ATP6V0D2: variants seen among roughly 807,000 people sequenced by gnomAD.
ATP6V0D2 encodes the protein ATPase H+ transporting V0 subunit d2.
In ATP6V0D2, 40 loss-of-function variants were observed where a neutral mutation model predicts 40.0. The observed-to-expected ratio is 1.00, with a 90% confidence interval of 0.78 to 1.30. The LOEUF (loss-of-function observed/expected upper bound fraction) is 1.30, where lower values mean the gene tolerates loss of function less well. ATP6V0D2 is among the 50% of genes most tolerant of loss of function. The probability of loss-of-function intolerance (pLI) is 0.00; values close to 1 mark genes in which losing one functional copy is unlikely to be tolerated. For missense variants in ATP6V0D2, 470 were observed against 423.1 expected (o/e 1.11, Z -0.97); for synonymous variants, 179 against 156.3 (o/e 1.15, Z -1.08).
intron 2 of ATP6V0D2, among the ~76,000 whole-genome samples, chr8:86,133,662 C>G (rs1317349844): frequency 3.9e-5 from 6 of 151,978 alleles, no homozygotes; most frequent in Non-Finnish European, 8.8e-5. Context: ...CTACTCTAAC[C>G]AAGTGCCATG....
chr8:86,147,710 G>C (rs1171906061), intron 5 of ATP6V0D2, among the ~76,000 whole-genome samples: 1 of 152,154 alleles, frequency 6.6e-6, no homozygotes, highest in Non-Finnish European at 1.5e-5. Flanking sequence ...GGTTCAAAGG[G>C]AATCATATCC....
At chr8:86,131,006 A>G (rs923652253) in intron 2 of ATP6V0D2, among the ~76,000 whole-genome samples, 1 of 152,126 alleles carries the variant, frequency 6.6e-6, no homozygotes, top group Admixed American at 6.5e-5. Context: ...TATCTTAGAG[A>G]TAAATAACAG....
chr8:86,105,816 G>A (rs527727683), intron 1 of ATP6V0D2, among the ~76,000 whole-genome samples: 37 of 151,664 alleles, frequency 2.4e-4, no homozygotes, highest in Admixed American at 6.6e-4. Flanking sequence ...GGGTTTCACC[G>A]TGTTAGCTTG....
intron 1 of ATP6V0D2, among the ~76,000 whole-genome samples, chr8:86,107,973 G>C (rs4960953): frequency 0.38 from 57,185 of 152,058 alleles, 12,640 homozygotes; most frequent in East Asian, 0.5. Flanking sequence ...TACCAGATTT[G>C]ATGGTTGATT....
At chr8:86,151,665 ATAGTC>A (rs1157698673) in intron 7 of ATP6V0D2, 125 bp downstream of exon 7, 1 of 662,612 alleles carries the variant, frequency 1.5e-6, no homozygotes, top group Non-Finnish European at 2.6e-6. Flanking sequence ...TCATAGCTTG[ATAGTC>A]AGTGATGTAT....
intron 2 of ATP6V0D2, among the ~76,000 whole-genome samples, chr8:86,116,381 T>C (rs1818591858): frequency 6.6e-6 from 1 of 152,224 alleles, no homozygotes; most frequent in African/African-American, 2.4e-5. Context: ...ATTCTTTTTA[T>C]TTTATTATTT....
intron 1 of ATP6V0D2, among the ~76,000 whole-genome samples, chr8:86,110,973 A>AT (rs1362586149): frequency 2.0e-5 from 3 of 152,106 alleles, no homozygotes; most frequent in East Asian, 1.9e-4. Flanking sequence ...TCACATACTT[A>AT]TTTTTTGTGG....
chr8:86,152,024 C>T (rs557027359), intron 7 of ATP6V0D2, among the ~76,000 whole-genome samples: 31 of 151,962 alleles, frequency 2.0e-4, no homozygotes, highest in African/African-American at 7.2e-4. Context: ...TTGCTGCACC[C>T]GTCAACCCAT....
At position 86,152,977 on chromosome 8, in the gene ATP6V0D2, A is replaced by G. The variant is rs1234317818; in HGVS notation, c.1053A>G (p.Ter351=). 1 of 1,592,382 alleles carries G rather than the reference A, an allele frequency of 6.3e-7. No homozygotes were observed. The highest frequency in any genetic ancestry group is 2.2e-5 in the East Asian group (1 of 44,508). The stretch of plus-strand genomic sequence containing the variant: ...TCAACAGTTACATTCCAATTTTATA[A>G]CCCAAGTAAGGTTCTCAAATGTAGA... ...TKINSYIPIL[*] is the part of the protein sequence containing the mutation. The change falls in exon 8 of 8, where the codon TAA becomes TAG. Residue 351 remains the stop codon, a stop_retained_variant. Transcript: ENST00000285393.
chr8:86,118,432 C>T (rs1818625696), intron 2 of ATP6V0D2, among the ~76,000 whole-genome samples: 1 of 151,838 alleles, frequency 6.6e-6, no homozygotes, highest in Admixed American at 6.6e-5. Flanking sequence ...ATCTGCAAGG[C>T]CCTTCCTAAA....
At chr8:86,135,022 C>T (rs2626328) in intron 2 of ATP6V0D2, among the ~76,000 whole-genome samples, 126,104 of 151,474 alleles carry the variant, frequency 0.83, 52,497 homozygotes, top group Middle Eastern at 0.88. Flanking sequence ...TTTCTAGACA[C>T]TGGGGGTGGT....
intron 5 of ATP6V0D2, among the ~76,000 whole-genome samples, chr8:86,145,013 A>AG (rs4059248): frequency 6.7e-6 from 1 of 149,742 alleles, no homozygotes; most frequent in Non-Finnish European, 1.5e-5. Flanking sequence ...AAAAAAAAAA[A>AG]TTAGCTGAAT....
intron 2 of ATP6V0D2, among the ~76,000 whole-genome samples, chr8:86,130,285 A>C (rs1253723128): frequency 6.6e-6 from 1 of 152,174 alleles, no homozygotes; most frequent in East Asian, 1.9e-4. Context: ...GAACCAAGGA[A>C]ATAACACAGT....
chr8:86,115,497 T>C (rs2130241319), intron 2 of ATP6V0D2, among the ~76,000 whole-genome samples: 1 of 150,626 alleles, frequency 6.6e-6, no homozygotes, highest in African/African-American at 2.4e-5. Context: ...GCCTCCTAAG[T>C]AGCTGGGATT....
rs887974209 is a variant in ATP6V0D2 at position 86,144,532 on chromosome 8, A to T, written c.639+1578A>T. 4.6e-5 allele frequency among the ~76,000 whole-genome samples: 7 copies of T among 152,390 alleles called. No homozygotes were observed. The East Asian group carries it at 1.3e-3, about 29-fold the overall frequency. ...TCAACCTAATGCTCTGAAACTGCAT[A>T]TGATAAAACTAGCTCCCCTCAAAAC... On this transcript the variant is annotated intron_variant, in intron 5 of 7. Coordinates refer to ENST00000285393, the MANE Select transcript of ATP6V0D2 (RefSeq NM_152565.1).
chr8:86,101,605 G>T (rs964112574), intron 1 of ATP6V0D2, among the ~76,000 whole-genome samples: 1 of 151,828 alleles, frequency 6.6e-6, no homozygotes, highest in African/African-American at 2.4e-5. Context: ...GAAGGAGGAA[G>T]AAATGAGATT....
At chr8:86,151,398 G>T in intron 6 of ATP6V0D2, 68 bp from the exon 7 acceptor site, 1 of 1,084,224 alleles carries the variant, frequency 9.2e-7, no homozygotes, top group Non-Finnish European at 1.3e-6. Flanking sequence ...ATAATGCTAG[G>T]AAAAATATAT....
At chr8:86,137,043 C>T (rs1217182018) in intron 2 of ATP6V0D2, among the ~76,000 whole-genome samples, 3 of 109,698 alleles carry the variant, frequency 2.7e-5, no homozygotes, top group Admixed American at 1.9e-4. Context: ...CGTCCTTGGC[C>T]CCTGTATCTC....
chr8:86,135,906 C>T (rs902702114), intron 2 of ATP6V0D2, among the ~76,000 whole-genome samples: 3 of 151,920 alleles, frequency 2.0e-5, no homozygotes, highest in African/African-American at 7.3e-5. Flanking sequence ...ATGCATGACC[C>T]CCTGGAGATC....
Sources: gnomAD v4.1 joint callset for allele counts (sites outside exome capture counted in the v4.1 genomes callset) on GRCh38, gnomAD v4.1.1 for gene constraint, MANE v1.5 for transcripts, NCBI Gene and HGNC (gene_info 2026-07-23, HGNC 2026-07-21) for gene names.